GABBR2: variants seen among roughly 807,000 people sequenced by gnomAD.
GABBR2 encodes G-protein coupled receptor 51.
In GABBR2, 23 loss-of-function variants were observed where a neutral mutation model predicts 105.6. The observed-to-expected ratio is 0.22, with a 90% CI of 0.16 to 0.31. The LOEUF (loss-of-function observed/expected upper bound fraction) is 0.31. Among genes scored for constraint, GABBR2 ranks in the 10% least tolerant of loss-of-function variants. GABBR2 has a pLI of 1.00. For missense variants in GABBR2, 734 were observed against 1,245.5 expected, an observed-to-expected ratio of 0.59 and a Z score of 6.18; for synonymous variants, 478 against 499.7, an observed-to-expected ratio of 0.96 and a Z score of 0.58.
intron 11 of GABBR2, among the ~76,000 whole-genome samples, chr9:98,382,562 GC>G (rs1399640667): frequency 6.6e-6 from 1 of 152,118 alleles, no homozygotes; most frequent in Non-Finnish European, 1.5e-5. Flanking sequence ...TGATCTACCC[GC>G]CTCGGCCTCC....
chr9:98,615,246 A>G (rs1215835516), intron 1 of GABBR2, among the ~76,000 whole-genome samples: 4 of 152,186 alleles, frequency 2.6e-5, no homozygotes, highest in African/African-American at 9.6e-5. Context: ...TGGATGTCTC[A>G]GCTGTAGACC....
intron 1 of GABBR2, among the ~76,000 whole-genome samples, chr9:98,658,428 T>TGAATGA: frequency 6.7e-6 from 1 of 149,274 alleles, no homozygotes; most frequent in Non-Finnish European, 1.5e-5. Flanking sequence ...TGAATGAATG[T>TGAATGA]ATGCTGGTGT....
At chr9:98,489,145 G>C (rs1457968099) in intron 4 of GABBR2, among the ~76,000 whole-genome samples, 1 of 152,232 alleles carries the variant, frequency 6.6e-6, no homozygotes, top group Non-Finnish European at 1.5e-5. Context: ...TACAAACACA[G>C]AGAGTAGGCC....
At position 98,290,608 on chromosome 9, in the gene GABBR2, G is replaced by T; in HGVS notation, c.2802C>A (p.Phe934Leu). The T allele has an allele frequency of 7.0e-7, 1 of 1,419,746 alleles. No individual in the cohort carries two copies. The highest frequency in any genetic ancestry group is 2.8e-5 in the East Asian group (1 of 36,070). The allele number at this position is 1,419,746 out of a possible 1,614,324, so 87.9% of individuals were successfully genotyped here. A position where few individuals can be genotyped will look rare whatever the true frequency, so the allele number is the denominator to read the frequency against. ...CTTACAGGCCCGAGACCATGACTCG[G>T]AAGGAGGGTGGCACATGTCTGTGGC... ...SPRHRHVPPS[F>L]RVMVSGL is the part of the protein sequence containing the mutation. Residue 934 changes from phenylalanine (F) to leucine (L), a missense_variant, in exon 19 of 19, where the codon TTC becomes TTA. Phe to Leu is a conservative substitution (Grantham distance 22). Coordinates refer to ENST00000259455, the MANE Select transcript of GABBR2 (RefSeq NM_005458.8).
At chr9:98,346,972 C>T (rs1296979100) in intron 13 of GABBR2, among the ~76,000 whole-genome samples, 1 of 152,044 alleles carries the variant, frequency 6.6e-6, no homozygotes, top group Non-Finnish European at 1.5e-5. Flanking sequence ...TTTCTTTATC[C>T]ATTTTTCTGT....
chr9:98,341,879 C>A (rs538787410), intron 13 of GABBR2, among the ~76,000 whole-genome samples: 2 of 152,182 alleles, frequency 1.3e-5, no homozygotes, highest in East Asian at 3.9e-4. Flanking sequence ...TTCGAGAAGC[C>A]GGCTTAATGG....
intron 1 of GABBR2, among the ~76,000 whole-genome samples, chr9:98,599,413 G>A (rs1383259098): frequency 1.3e-5 from 2 of 152,188 alleles, no homozygotes; most frequent in Non-Finnish European, 2.9e-5. Context: ...CCATCACCTT[G>A]GGTCCTCTCA....
chr9:98,350,923 A>G (rs1036499930), intron 13 of GABBR2, among the ~76,000 whole-genome samples: 1 of 152,136 alleles, frequency 6.6e-6, no homozygotes, highest in African/African-American at 2.4e-5. Flanking sequence ...GTGCTCTGGC[A>G]TTGGGTGCAT....
chr9:98,608,048 A>C lies in GABBR2; in HGVS notation c.322-29976T>G, dbSNP rs1588250185. ...GTCATCAGTTAGAGGATGAGAAAGC[A>C]AACTGGGAAGCTCAACAACGTATTT... On this transcript the variant is annotated intron_variant, in intron 1 of 18. Coordinates refer to ENST00000259455, the MANE Select transcript of GABBR2 (RefSeq NM_005458.8). 24 of 1,307,654 alleles carry C rather than the reference A, an allele frequency of 1.8e-5. No homozygotes were observed. In the East Asian group the frequency reaches 5.6e-4, roughly 31 times the overall value. The allele number at this position is 1,307,654 out of a possible 1,614,324, so 81.0% of individuals were successfully genotyped here. A position where few individuals can be genotyped will look rare whatever the true frequency, so the allele number is the denominator to read the frequency against.
chr9:98,380,923 T>C lies in GABBR2; in HGVS notation c.1662+4717A>G, dbSNP rs542039062. Among the ~76,000 whole-genome samples the C allele has an allele frequency of 2.6e-5, 4 of 152,286 alleles. No homozygotes were observed. In the South Asian group the frequency reaches 8.3e-4, roughly 32 times the overall value. On this transcript the variant is annotated intron_variant, in intron 11 of 18. Transcript: ENST00000259455. ...TGTGTTAAGCTGCTATTTTGAAAAC[T>C]AAAAGGGAGAAAAAAGCGGCATGTA...
At chr9:98,472,255 G>C (rs971855636) in intron 6 of GABBR2, among the ~76,000 whole-genome samples, 8 of 152,196 alleles carry the variant, frequency 5.3e-5, no homozygotes, top group Non-Finnish European at 1.0e-4. Flanking sequence ...CTTTACCAGG[G>C]CTATCATCAC....
intron 7 of GABBR2, among the ~76,000 whole-genome samples, chr9:98,426,612 C>T (rs1825695261): frequency 6.6e-6 from 1 of 152,192 alleles, no homozygotes; most frequent in Non-Finnish European, 1.5e-5. Flanking sequence ...AACTAGAAAC[C>T]CAGATGGCTC....
At chr9:98,675,074 T>A (rs1344203462) in intron 1 of GABBR2, among the ~76,000 whole-genome samples, 1 of 151,770 alleles carries the variant, frequency 6.6e-6, no homozygotes, top group Non-Finnish European at 1.5e-5. Context: ...TCTTAGAGGG[T>A]CTAGGGAAGA....
chr9:98,686,580 G>C (rs1830623481), intron 1 of GABBR2, among the ~76,000 whole-genome samples: 1 of 152,092 alleles, frequency 6.6e-6, no homozygotes, highest in African/African-American at 2.4e-5. Context: ...ATTTTTGGTA[G>C]AGATGGGGTT....
At chr9:98,480,550 G>A (rs1459754592) in intron 5 of GABBR2, among the ~76,000 whole-genome samples, 1 of 152,204 alleles carries the variant, frequency 6.6e-6, no homozygotes, top group Non-Finnish European at 1.5e-5. Context: ...TTCAGGAGGA[G>A]AAAATCAATA....
chr9:98,465,721 G>A (rs1017961831), intron 6 of GABBR2, among the ~76,000 whole-genome samples: 16 of 152,224 alleles, frequency 1.1e-4, no homozygotes, highest in South Asian at 4.1e-4. Context: ...TCACTTCTGC[G>A]TTTGCCTCAC....
At chr9:98,639,370 G>A (rs953470764) in intron 1 of GABBR2, among the ~76,000 whole-genome samples, 1 of 152,164 alleles carries the variant, frequency 6.6e-6, no homozygotes, top group African/African-American at 2.4e-5. Context: ...CACCTTGCAT[G>A]TTTGGGTTGA....
intron 1 of GABBR2, among the ~76,000 whole-genome samples, chr9:98,587,171 A>T (rs964486696): frequency 2.6e-5 from 4 of 152,174 alleles, no homozygotes; most frequent in Non-Finnish European, 5.9e-5. Context: ...ATCTTTTCAT[A>T]TGCTTATAGC....
chr9:98,561,077 G>A (rs932641478), intron 2 of GABBR2, among the ~76,000 whole-genome samples: 8 of 151,730 alleles, frequency 5.3e-5, no homozygotes, highest in Non-Finnish European at 1.0e-4. Context: ...CAATATTCAC[G>A]CCTTGCTTTT....
Sources: allele counts gnomAD v4.1 joint callset (sites outside exome capture counted in the v4.1 genomes callset), GRCh38; gene constraint gnomAD v4.1.1; transcripts MANE v1.5; gene names NCBI Gene and HGNC (gene_info 2026-07-23, HGNC 2026-07-21).